The following DERA variants were observed in gnomAD, a reference collection of about 807,000 sequenced individuals.
DERA encodes the protein 2-deoxy-D-ribose 5-phosphate aldolase.
Under a neutral mutation model 41.1 loss-of-function variants are expected in DERA, and 15 were observed. The ratio of observed to expected loss-of-function variants is 0.37; its 90% CI spans 0.24 to 0.56. DERA has a LOEUF of 0.56. DERA is among the 20% of genes least tolerant of loss of function. The pLI is 0.81. For missense variants in DERA, 396 were observed against 403.4 expected, an observed-to-expected ratio of 0.98 and a Z score of 0.16; for synonymous variants, 139 against 137.4, an observed-to-expected ratio of 1.01 and a Z score of -0.08.
At chr12:16,006,481 C>T (rs979634337) in intron 6 of DERA, among the ~76,000 whole-genome samples, 3 of 152,248 alleles carry the variant, frequency 2.0e-5, no homozygotes, top group South Asian at 2.1e-4. Flanking sequence ...GAGCGGCCCT[C>T]ATTTATAGTG....
chr12:16,014,804 C>T lies in DERA; in HGVS notation c.638-17738C>T, dbSNP rs1948970127. ...ACTCAATGCTAGCCCGTGAAAGCAG[C>T]CAGGAGGGGTACTGTACCCTGCAAA... On this transcript the variant is annotated intron_variant, in intron 6 of 8. Coordinates refer to ENST00000428559, the MANE Select transcript of DERA (RefSeq NM_015954.4). The surrounding 1 kb of genome is among the most constrained non-coding windows in gnomAD (Gnocchi z 5.4). Among the ~76,000 whole-genome samples, 1 of 152,172 alleles carries T rather than the reference C, an allele frequency of 6.6e-6. No homozygotes were observed. Among genetic ancestry groups the T allele is most frequent in the Non-Finnish European group, 1.5e-5 (1 of 68,022 alleles).
At chr12:16,024,352 T>C (rs1048322322) in intron 6 of DERA, among the ~76,000 whole-genome samples, 1 of 152,096 alleles carries the variant, frequency 6.6e-6, no homozygotes, top group Non-Finnish European at 1.5e-5. Context: ...CTAGACATAT[T>C]ATAGTCAAAT....
intron 1 of DERA, among the ~76,000 whole-genome samples, chr12:15,937,162 C>T (rs1948374671): frequency 6.6e-6 from 1 of 152,070 alleles, no homozygotes; most frequent in Non-Finnish European, 1.5e-5. Context: ...CACCATATTG[C>T]CCAGGCTGAT....
chr12:15,989,008 G>C lies in DERA; in HGVS notation c.637+6572G>C, dbSNP rs577567130. On this transcript the variant is annotated intron_variant, in intron 6 of 8. Transcript: ENST00000428559. This position sits in a 1 kb window ranked among gnomAD's most constrained non-coding sequence, Gnocchi z 5.2. ...ACAGCTTTGCTCCGCAGTGGAGAAG[G>C]CTCCAGGAGTAGGGAGAGGCCAGGG... Among the ~76,000 whole-genome samples, 1 of 152,270 alleles carries C rather than the reference G, an allele frequency of 6.6e-6. No homozygotes were observed. The highest frequency in any genetic ancestry group is 1.5e-5 in the Non-Finnish European group (1 of 68,050).
rs751787877 is a variant in DERA at position 15,998,834 on chromosome 12, C to T, written c.637+16398C>T. On this transcript the variant is annotated intron_variant, in intron 6 of 8. Coordinates refer to ENST00000428559, the MANE Select transcript of DERA (RefSeq NM_015954.4). This position sits in a 1 kb window ranked among gnomAD's most constrained non-coding sequence, Gnocchi z 4.8. Reference sequence around the variant, plus strand: ...TGTTGTTTGGTGTCTAGGCCAGCCCCGAGATTAGCTTACAGAATAACTGAA... The same window carrying T: ...TGTTGTTTGGTGTCTAGGCCAGCCCTGAGATTAGCTTACAGAATAACTGAA... Among the ~76,000 whole-genome samples, 8 of 152,136 alleles carry T rather than the reference C, an allele frequency of 5.3e-5. No homozygotes were observed. The highest frequency in any genetic ancestry group is 8.8e-5 in the Non-Finnish European group (6 of 68,026).
intron 1 of DERA, among the ~76,000 whole-genome samples, chr12:15,925,147 C>T (rs1012276600): frequency 6.6e-6 from 1 of 151,742 alleles, no homozygotes; most frequent in Admixed American, 6.6e-5. Flanking sequence ...CACCCCCGAG[C>T]CCCAACCCCT....
chr12:15,987,656 G>A (rs1264745046), intron 6 of DERA, among the ~76,000 whole-genome samples: 1 of 152,100 alleles, frequency 6.6e-6, no homozygotes, highest in Non-Finnish European at 1.5e-5. Context: ...GGTCCTGTTT[G>A]TTTTATTTTT....
Position 15,994,201 on chromosome 12 carries a change from C to T in DERA, c.637+11765C>T, listed in dbSNP as rs1257368993. 6.6e-6 allele frequency among the ~76,000 whole-genome samples: 1 copy of T among 152,194 alleles called. No homozygotes were observed. Among genetic ancestry groups the T allele is most frequent in the Non-Finnish European group, 1.5e-5 (1 of 68,048 alleles). On this transcript the variant is annotated intron_variant, in intron 6 of 8. Coordinates refer to ENST00000428559, the MANE Select transcript of DERA (RefSeq NM_015954.4). The surrounding 1 kb of genome is among the most constrained non-coding windows in gnomAD (Gnocchi z 4.8). ...TGCTTGCTGATAGATTCAGGTATCA[C>T]ACATATGAGTACAGTGGCATCAATG...
At position 16,032,600 on chromosome 12, in the gene DERA, A is replaced by T. The variant is rs773469522; in HGVS notation, c.696A>T (p.Val232=). The T allele has an allele frequency of 1.9e-6, 3 of 1,568,052 alleles. No individual in the cohort carries two copies. The highest frequency in any genetic ancestry group is 2.6e-6 in the Non-Finnish European group (3 of 1,155,574). ...AAACAGTAAATGCCACCTTCCCGGTAGCTATAGTAATGCTGCGGGCCATTA... is the reference window on the plus strand; with the variant it reads ...AAACAGTAAATGCCACCTTCCCGGTTGCTATAGTAATGCTGCGGGCCATTA... ...GKETVNATFP[V]AIVMLRAIRD... is the part of the protein sequence containing the mutation. The change falls in exon 7 of 9, where the codon GTA becomes GTT. Residue 232 remains valine (V), a synonymous_variant. Transcript: ENST00000428559.
Position 16,017,431 on chromosome 12 carries a change from T to C in DERA, c.638-15111T>C, listed in dbSNP as rs1285029158. 6.6e-6 allele frequency among the ~76,000 whole-genome samples: 1 copy of C among 152,230 alleles called. No homozygotes were observed. Among genetic ancestry groups the C allele is most frequent in the Non-Finnish European group, 1.5e-5 (1 of 68,038 alleles). The stretch of plus-strand genomic sequence containing the variant: ...TTCTTCTTATGCTTTTCTTTCTCTC[T>C]TTCTCTTTACCCCCTTTCTCACATG... On this transcript the variant is annotated intron_variant, in intron 6 of 8. Coordinates refer to ENST00000428559, the MANE Select transcript of DERA (RefSeq NM_015954.4). This position sits in a 1 kb window ranked among gnomAD's most constrained non-coding sequence, Gnocchi z 5.5.
chr12:15,979,871 G>A (rs1948721827), intron 5 of DERA, among the ~76,000 whole-genome samples: 1 of 152,194 alleles, frequency 6.6e-6, no homozygotes, highest in Non-Finnish European at 1.5e-5. Flanking sequence ...GCATCAGAAG[G>A]TAGTACTCTA....
In DERA at chr12:15,992,466, G is replaced by A. The variant is rs973928039; in HGVS notation, c.637+10030G>A. On this transcript the variant is annotated intron_variant, in intron 6 of 8. Transcript: ENST00000428559. This position sits in a 1 kb window ranked among gnomAD's most constrained non-coding sequence, Gnocchi z 4.3. ...ATGTGGAGATGGATCTGGAGGCAAG[G>A]AAGAACCAGGGAGAACTTTTTGCTT... Among the ~76,000 whole-genome samples, 2 of 152,130 alleles carry A rather than the reference G, an allele frequency of 1.3e-5. No homozygotes were observed. Among genetic ancestry groups the A allele is most frequent in the Admixed American group, 1.3e-4 (2 of 15,274 alleles).
At position 15,959,608 on chromosome 12, in the gene DERA, A is replaced by G. The variant is rs1948567748; in HGVS notation, c.278-221A>G. ...GTTAATCTCAAAGATGAGTATATCA[A>G]ACTTGTTTTTATGACTTTAACGATA... is the stretch of plus-strand genomic sequence containing the variant. On this transcript the variant is annotated intron_variant, in intron 3 of 8. Coordinates refer to ENST00000428559, the MANE Select transcript of DERA (RefSeq NM_015954.4). This position sits in a 1 kb window ranked among gnomAD's most constrained non-coding sequence, Gnocchi z 4.5. Among the ~76,000 whole-genome samples, 2 of 152,200 alleles carry G rather than the reference A, an allele frequency of 1.3e-5. No homozygotes were observed. The highest frequency in any genetic ancestry group is 4.1e-4 in the South Asian group (2 of 4,828).
rs3782530 is a variant in DERA at position 16,010,449 on chromosome 12, C to T, written c.638-22093C>T. Among the ~76,000 whole-genome samples, 88,765 of 151,160 alleles carry T rather than the reference C, an allele frequency of 0.59. 28,293 individuals are homozygous for T. Among genetic ancestry groups the T allele is most frequent in the Non-Finnish European group, 0.72 (49,110 of 67,898 alleles). ...TGACCTTTTCTGCTTGTACCTTTAC[C>T]CATAGATGAGGTTTTCCGAGTTCTG... On this transcript the variant is annotated intron_variant, in intron 6 of 8. Coordinates refer to ENST00000428559, the MANE Select transcript of DERA (RefSeq NM_015954.4). This position sits in a 1 kb window ranked among gnomAD's most constrained non-coding sequence, Gnocchi z 5.5.
At chr12:16,016,182 GCCAGTGCTTCAA>G (rs1948980887) in intron 6 of DERA, among the ~76,000 whole-genome samples, 2 of 152,052 alleles carry the variant, frequency 1.3e-5, no homozygotes, top group African/African-American at 4.8e-5. Flanking sequence ...ATTTACTCTG[GCCAGTGCTTCAA>G]CCATAACACT....
Position 15,943,645 on chromosome 12 carries a change from A to G in DERA, c.32-13291A>G, listed in dbSNP as rs575269281. Among the ~76,000 whole-genome samples the G allele has an allele frequency of 1.3e-3, 203 of 152,194 alleles. 1 individual carries two copies. The highest frequency in any genetic ancestry group is 3.9e-3 in the African/African-American group (164 of 41,534). On this transcript the variant is annotated intron_variant, in intron 1 of 8. Coordinates refer to ENST00000428559, the MANE Select transcript of DERA (RefSeq NM_015954.4). The surrounding 1 kb of genome is among the most constrained non-coding windows in gnomAD (Gnocchi z 4.5). Reference sequence around the variant, plus strand: ...AACTTCCACGAATGATCCTACCTGTATAACATGTGCTGTATCTTGACATTT... The same window carrying G: ...AACTTCCACGAATGATCCTACCTGTGTAACATGTGCTGTATCTTGACATTT...
chr12:16,025,466 T>A (rs1949047315), intron 6 of DERA, among the ~76,000 whole-genome samples: 1 of 152,072 alleles, frequency 6.6e-6, no homozygotes, highest in Admixed American at 6.5e-5. Context: ...AAAAGGATAT[T>A]TTATAATGAT....
intron 1 of DERA, among the ~76,000 whole-genome samples, chr12:15,949,076 G>A (rs1436171687): frequency 2.6e-5 from 4 of 152,196 alleles, no homozygotes; most frequent in Non-Finnish European, 5.9e-5. Flanking sequence ...TCTCAGAGGG[G>A]TAACCGGCCG....
Position 15,981,280 on chromosome 12 carries a change from G to A in DERA, c.509-1028G>A, listed in dbSNP as rs929792628. 1.3e-5 allele frequency among the ~76,000 whole-genome samples: 2 copies of A among 152,108 alleles called. No individual in the cohort carries two copies. Among genetic ancestry groups the A allele is most frequent in the African/African-American group, 2.4e-5 (1 of 41,412 alleles). On this transcript the variant is annotated intron_variant, in intron 5 of 8. Coordinates refer to ENST00000428559, the MANE Select transcript of DERA (RefSeq NM_015954.4). This position sits in a 1 kb window ranked among gnomAD's most constrained non-coding sequence, Gnocchi z 6.1. ...GGAGAATGGCGTGAACCCCAGAGGC[G>A]GAGGTTGCAGTGAGCTGAGATCACG...
Sources: gnomAD v4.1 joint callset for allele counts (sites outside exome capture counted in the v4.1 genomes callset) on GRCh38, gnomAD v4.1.1 for gene constraint, Gnocchi (gnomAD v3.1) non-coding constraint, MANE v1.5 for transcripts, NCBI Gene and HGNC (gene_info 2026-07-23, HGNC 2026-07-21) for gene names.